The following SORCS2 variants were observed in gnomAD, a reference collection of about 807,000 sequenced individuals.
SORCS2 encodes the protein sortilin related VPS10 domain containing receptor 2, also known as VPS10 domain-containing receptor SorCS2.
Under a neutral mutation model 141.6 loss-of-function variants are expected in SORCS2, and 100 were observed. That is an observed-to-expected ratio of 0.71 (90% CI 0.60 to 0.83). SORCS2 has a LOEUF of 0.83. Ranked by LOEUF, SORCS2 falls within the 40% of genes least tolerant of loss-of-function variation. The probability of loss-of-function intolerance (pLI) is 0.00; values close to 1 mark genes in which losing one functional copy is unlikely to be tolerated. For synonymous variants in SORCS2, 789 were observed against 676.9 expected, an observed-to-expected ratio of 1.17 and a Z score of -2.57; for missense variants, 1,646 against 1,560.2, an observed-to-expected ratio of 1.05 and a Z score of -0.93.
Position 7,610,582 on chromosome 4 carries a change from G to A in SORCS2, c.649-27746G>A, listed in dbSNP as rs189176827. On this transcript the variant is annotated intron_variant, in intron 3 of 26. Coordinates refer to ENST00000507866, the MANE Select transcript of SORCS2 (RefSeq NM_020777.3). ...CATAGCTGAGGTCTTTCCACCTGGG[G>A]TGGGGCTTGGGGGGGTCCTTAAGTA... Among the ~76,000 whole-genome samples the A allele has an allele frequency of 6.6e-3, 1,012 of 152,336 alleles. 8 individuals carry two copies. Among genetic ancestry groups the A allele is most frequent in the South Asian group, 0.011 (54 of 4,828 alleles).
intron 2 of SORCS2, among the ~76,000 whole-genome samples, chr4:7,503,176 A>G (rs1296081833): frequency 6.6e-6 from 1 of 152,182 alleles, no homozygotes; most frequent in South Asian, 2.1e-4. Flanking sequence ...AGAAGCCCCA[A>G]ACATGGAAAA....
In SORCS2 at chr4:7,248,899, C is replaced by G. The variant is rs192076326; in HGVS notation, c.480+55773C>G. ...GAACCCTGAGAGCTTGTGTCTGGCA[C>G]TGTAGGGATGGGGACTTGATGAGCC... On this transcript the variant is annotated intron_variant, in intron 1 of 26. Transcript: ENST00000507866. Among the ~76,000 whole-genome samples, 322 of 152,244 alleles carry G rather than the reference C, an allele frequency of 2.1e-3. 4 individuals carry two copies. Among genetic ancestry groups the G allele is most frequent in the Non-Finnish European group, 4.7e-4 (32 of 68,018 alleles).
intron 19 of SORCS2, 139 bp downstream of exon 19, chr4:7,724,022 A>C: frequency 9.5e-7 from 1 of 1,055,722 alleles, no homozygotes; most frequent in Non-Finnish European, 1.3e-6. Flanking sequence ...GCAGGGAGGC[A>C]GGGAGGCTGG....
At chr4:7,630,919 G>T (rs1322290950) in intron 3 of SORCS2, among the ~76,000 whole-genome samples, 1 of 152,038 alleles carries the variant, frequency 6.6e-6, no homozygotes, top group African/African-American at 2.4e-5. Context: ...CTTGGTAAAG[G>T]GCAGAATAAA....
chr4:7,229,019 G>A (rs1711620464), intron 1 of SORCS2, among the ~76,000 whole-genome samples: 1 of 152,212 alleles, frequency 6.6e-6, no homozygotes, highest in Non-Finnish European at 1.5e-5. Context: ...GCCTTGCTCT[G>A]CTTCGTGGCC....
chr4:7,619,481 A>G (rs1476050081), intron 3 of SORCS2, among the ~76,000 whole-genome samples: 1 of 151,722 alleles, frequency 6.6e-6, no homozygotes, highest in African/African-American at 2.4e-5. Context: ...TGCCCACTCC[A>G]CCTCTTCAGT....
chr4:7,484,164 C>T (rs968471470), intron 2 of SORCS2, among the ~76,000 whole-genome samples: 13 of 152,162 alleles, frequency 8.5e-5, no homozygotes, highest in African/African-American at 1.4e-4. Context: ...CCAGCGGTCC[C>T]GGTAATCTAC....
At chr4:7,374,196 T>TTTCTTTCTTTCC (rs1364054440) in intron 1 of SORCS2, among the ~76,000 whole-genome samples, 3 of 144,992 alleles carry the variant, frequency 2.1e-5, no homozygotes, top group African/African-American at 7.8e-5. Flanking sequence ...TCTTTCTTTC[T>TTTCTTTCTTTCC]TTTTTGCAGA....
Position 7,543,487 on chromosome 4 carries a change from T to TCATCCATCCATCCATC in SORCS2, c.648+11876_648+11891dup, listed in dbSNP as rs144933241. On this transcript the variant is annotated intron_variant, in intron 3 of 26. Coordinates refer to ENST00000507866, the MANE Select transcript of SORCS2 (RefSeq NM_020777.3). Reference sequence around the variant, plus strand: ...TCCACCCACCCATCCATTCACCCACTCATCCATCCATCCATCCATCCATCC... The same window carrying TCATCCATCCATCCATC: ...TCCACCCACCCATCCATTCACCCACTCATCCATCCATCCATCCATCCATCCATCCATCCATCCATCC... 1.7e-3 allele frequency among the ~76,000 whole-genome samples: 192 copies of TCATCCATCCATCCATC among 114,150 alleles called. 2 individuals are homozygous for TCATCCATCCATCCATC. Among genetic ancestry groups the TCATCCATCCATCCATC allele is most frequent in the African/African-American group, 3.9e-3 (109 of 27,670 alleles). The allele number at this position is 114,150 out of a possible 152,430, so 74.9% of individuals were successfully genotyped here.
At chr4:7,380,888 C>T (rs1577472719) in intron 1 of SORCS2, among the ~76,000 whole-genome samples, 1 of 152,178 alleles carries the variant, frequency 6.6e-6, no homozygotes, top group Non-Finnish European at 1.5e-5. Flanking sequence ...TCAAGGCCAG[C>T]CTGGCCAACA....
intron 1 of SORCS2, among the ~76,000 whole-genome samples, chr4:7,282,012 C>T (rs939816092): frequency 6.6e-6 from 1 of 152,224 alleles, no homozygotes; most frequent in African/African-American, 2.4e-5. Flanking sequence ...CACTCTGCCT[C>T]GTGGAGCTCC....
chr4:7,602,255 C>T (rs756528019), intron 3 of SORCS2, among the ~76,000 whole-genome samples: 5 of 148,732 alleles, frequency 3.4e-5, no homozygotes, highest in African/African-American at 1.2e-4. Context: ...CAGGCAGAGG[C>T]GCCCCCCACC....
At chr4:7,559,648 G>A (rs540975515) in intron 3 of SORCS2, among the ~76,000 whole-genome samples, 1 of 152,188 alleles carries the variant, frequency 6.6e-6, no homozygotes, top group Non-Finnish European at 1.5e-5. Flanking sequence ...GTCCAAGGGG[G>A]CCTGGGTCTG....
In SORCS2 at chr4:7,712,804, G is replaced by A; in HGVS notation, c.1940G>A (p.Arg647Lys). The A allele has an allele frequency of 6.2e-7, 1 of 1,613,996 alleles. No individual in the cohort carries two copies. Among genetic ancestry groups the A allele is most frequent in the Non-Finnish European group, 8.5e-7 (1 of 1,179,886 alleles). ...VKVDFRPSFS[R>K]QCGEEDYSSW... ...GTGGACTTCCGGCCCTCATTCTCCA[G>A]GCAGTGCGGCGAGGAGGACTACAGC... is the stretch of plus-strand genomic sequence containing the variant. Residue 647 changes from arginine (R) to lysine (K), a missense_variant, in exon 15 of 27, where the codon AGG becomes AAG. Physicochemically the swap from Arg to Lys is conservative, Grantham distance 26. Coordinates refer to ENST00000507866, the MANE Select transcript of SORCS2 (RefSeq NM_020777.3).
rs1237036549 is a variant in SORCS2 at position 7,664,868 on chromosome 4, G to C, written c.1071+397G>C. 6.6e-6 allele frequency among the ~76,000 whole-genome samples: 1 copy of C among 152,206 alleles called. No individual in the cohort carries two copies. Among genetic ancestry groups the C allele is most frequent in the African/African-American group, 2.4e-5 (1 of 41,434 alleles). On this transcript the variant is annotated intron_variant, in intron 7 of 26. Coordinates refer to ENST00000507866, the MANE Select transcript of SORCS2 (RefSeq NM_020777.3). The surrounding 1 kb of genome is among the most constrained non-coding windows in gnomAD (Gnocchi z 4.7). ...CCCTGTGACCAGGACTCTGCTGCCT[G>C]TGCCCTCAGGTCACAAGTGGGCCCA...
At chr4:7,510,008 G>A (rs574308475) in intron 2 of SORCS2, among the ~76,000 whole-genome samples, 13 of 152,332 alleles carry the variant, frequency 8.5e-5, no homozygotes, top group African/African-American at 2.6e-4. Context: ...TCTCACCCTT[G>A]ACGGTGAATT....
At chr4:7,544,748 C>T (rs1713112686) in intron 3 of SORCS2, among the ~76,000 whole-genome samples, 1 of 152,242 alleles carries the variant, frequency 6.6e-6, no homozygotes, top group African/African-American at 2.4e-5. Context: ...CCCACAGCTC[C>T]CTGAGAACGA....
At chr4:7,605,947 G>T (rs1339659934) in intron 3 of SORCS2, among the ~76,000 whole-genome samples, 1 of 152,170 alleles carries the variant, frequency 6.6e-6, no homozygotes, top group African/African-American at 2.4e-5. Context: ...CCCAGGACCT[G>T]CACCAGTGAA....
chr4:7,553,380 T>C (rs574348381), intron 3 of SORCS2, among the ~76,000 whole-genome samples: 29 of 152,232 alleles, frequency 1.9e-4, no homozygotes, highest in Non-Finnish European at 2.9e-4. Flanking sequence ...AAATGGGCCA[T>C]TACAAACATA....
Sources: allele counts gnomAD v4.1 joint callset (sites outside exome capture counted in the v4.1 genomes callset), GRCh38; gene constraint gnomAD v4.1.1; non-coding constraint Gnocchi (gnomAD v3.1); transcripts MANE v1.5; gene names NCBI Gene and HGNC (gene_info 2026-07-23, HGNC 2026-07-21).